The following TMEM132D variants were observed in gnomAD, a reference collection of about 807,000 sequenced individuals.
TMEM132D encodes transmembrane protein 132D, also known as mature OL transmembrane protein.
In TMEM132D, 21 loss-of-function variants were observed where a neutral mutation model predicts 62.3. The observed-to-expected ratio is 0.34, with a 90% confidence interval of 0.24 to 0.49. TMEM132D has a LOEUF of 0.49. Among genes scored for constraint, TMEM132D ranks in the 20% least tolerant of loss-of-function variants. TMEM132D has a pLI of 0.99. For synonymous variants in TMEM132D, 621 were observed against 575.6 expected (o/e 1.08, Z -1.13); for missense variants, 1,346 against 1,402.8 (o/e 0.96, Z 0.65).
intron 3 of TMEM132D, among the ~76,000 whole-genome samples, chr12:129,505,956 T>C (rs543954867): frequency 6.6e-6 from 1 of 152,340 alleles, no homozygotes; most frequent in Non-Finnish European, 1.5e-5. Flanking sequence ...AGATAGTTGG[T>C]TGGTGAATTC....
intron 2 of TMEM132D, among the ~76,000 whole-genome samples, chr12:129,551,694 C>G (rs1876903415): frequency 1.3e-5 from 2 of 152,154 alleles, no homozygotes; most frequent in African/African-American, 4.8e-5. Context: ...AAACACAAAC[C>G]TCTCTCTTCT....
At chr12:129,789,790 G>A (rs973888495) in intron 1 of TMEM132D, among the ~76,000 whole-genome samples, 4 of 152,168 alleles carry the variant, frequency 2.6e-5, no homozygotes, top group African/African-American at 9.7e-5. Context: ...TCACCCTTTA[G>A]CGACACCATA....
At chr12:129,527,962 A>C (rs1050122380) in intron 3 of TMEM132D, among the ~76,000 whole-genome samples, 6 of 152,210 alleles carry the variant, frequency 3.9e-5, no homozygotes, top group Non-Finnish European at 8.8e-5. Flanking sequence ...TCCTTAATAC[A>C]CAAAATTAAA....
intron 1 of TMEM132D, among the ~76,000 whole-genome samples, chr12:129,832,065 T>G: frequency 8.3e-6 from 1 of 120,414 alleles, no homozygotes; most frequent in Non-Finnish European, 1.8e-5. Context: ...TTTTTTTGTA[T>G]TTTAGTAGAG....
At chr12:129,518,256 A>C (rs766516897) in intron 3 of TMEM132D, among the ~76,000 whole-genome samples, 55 of 152,312 alleles carry the variant, frequency 3.6e-4, no homozygotes, top group Non-Finnish European at 6.8e-4. Flanking sequence ...TAATAAAACT[A>C]AGTCATGCTT....
chr12:129,560,145 G>A (rs1309967682), intron 2 of TMEM132D, among the ~76,000 whole-genome samples: 1 of 152,214 alleles, frequency 6.6e-6, no homozygotes, highest in Non-Finnish European at 1.5e-5. Context: ...CTCTTCATAG[G>A]TGGGCACCAA....
At chr12:129,317,328 G>A (rs1314436599) in intron 4 of TMEM132D, among the ~76,000 whole-genome samples, 1 of 152,152 alleles carries the variant, frequency 6.6e-6, no homozygotes, top group Admixed American at 6.5e-5. Flanking sequence ...TTCTTGTAGT[G>A]GTGGCTTGGT....
intron 5 of TMEM132D, among the ~76,000 whole-genome samples, chr12:129,127,714 T>C (rs899286330): frequency 8.6e-5 from 13 of 151,892 alleles, no homozygotes; most frequent in Non-Finnish European, 1.5e-5. Context: ...GACGAGTATT[T>C]GCCTAGATTG....
At chr12:129,142,492 T>C (rs1382579100) in intron 5 of TMEM132D, among the ~76,000 whole-genome samples, 1 of 152,236 alleles carries the variant, frequency 6.6e-6, no homozygotes, top group Non-Finnish European at 1.5e-5. Context: ...TTAAGCTGTT[T>C]CAAGCATTTA....
chr12:129,759,471 C>A (rs562453634), intron 1 of TMEM132D, among the ~76,000 whole-genome samples: 5 of 152,144 alleles, frequency 3.3e-5, no homozygotes, highest in African/African-American at 9.7e-5. Context: ...ACAATGCTAA[C>A]GCTAGATCAG....
chr12:129,192,730 T>G (rs1202651907), intron 5 of TMEM132D, among the ~76,000 whole-genome samples: 2 of 152,146 alleles, frequency 1.3e-5, no homozygotes, highest in East Asian at 3.9e-4. Context: ...AATGGGGGGT[T>G]TGAATTACAG....
intron 3 of TMEM132D, among the ~76,000 whole-genome samples, chr12:129,466,279 C>CTTT (rs551019541): frequency 2.0e-5 from 2 of 100,398 alleles, no homozygotes; most frequent in African/African-American, 7.6e-5. Context: ...TAGATTTTTC[C>CTTT]TTTTTTTTTT....
chr12:129,776,188 GC>G, intron 1 of TMEM132D, among the ~76,000 whole-genome samples: 1 of 152,118 alleles, frequency 6.6e-6, no homozygotes, highest in African/African-American at 2.4e-5. Flanking sequence ...GTAATCCTGG[GC>G]TGTAAATGCT....
chr12:129,799,334 G>GTA (rs747141459), intron 1 of TMEM132D, among the ~76,000 whole-genome samples: 7 of 146,508 alleles, frequency 4.8e-5, no homozygotes, highest in Non-Finnish European at 7.5e-5. Context: ...TATTATATAT[G>GTA]TATATATATG....
At chr12:129,340,099 C>T (rs147315772) in intron 3 of TMEM132D, among the ~76,000 whole-genome samples, 43 of 152,202 alleles carry the variant, frequency 2.8e-4, no homozygotes, top group African/African-American at 1.0e-3. Flanking sequence ...CCTATAATAC[C>T]CTTCAATTAA....
chr12:129,239,007 T>C (rs1210554775), intron 4 of TMEM132D, among the ~76,000 whole-genome samples: 1 of 151,616 alleles, frequency 6.6e-6, no homozygotes, highest in Non-Finnish European at 1.5e-5. Flanking sequence ...TTTTTTTTTT[T>C]TTTTTGGACA....
intron 1 of TMEM132D, among the ~76,000 whole-genome samples, chr12:129,772,154 A>G (rs1343882337): frequency 6.6e-6 from 1 of 152,206 alleles, no homozygotes; most frequent in Non-Finnish European, 1.5e-5. Flanking sequence ...TGTGTGATAA[A>G]CTATTGACCT....
At chr12:129,845,859 C>T (rs543523411) in intron 1 of TMEM132D, among the ~76,000 whole-genome samples, 1 of 152,296 alleles carries the variant, frequency 6.6e-6, no homozygotes, top group East Asian at 1.9e-4. Flanking sequence ...CTCCACAGGC[C>T]GTGCTCCCAG....
At chr12:129,275,587 T>C (rs921290581) in intron 4 of TMEM132D, among the ~76,000 whole-genome samples, 9 of 152,194 alleles carry the variant, frequency 5.9e-5, no homozygotes, top group Non-Finnish European at 1.0e-4. Flanking sequence ...TCTAGACAGA[T>C]ACCAGGTAGC....
Sources: gnomAD v4.1 joint callset for allele counts (sites outside exome capture counted in the v4.1 genomes callset) on GRCh38, gnomAD v4.1.1 for gene constraint, MANE v1.5 for transcripts, NCBI Gene and HGNC (gene_info 2026-07-23, HGNC 2026-07-21) for gene names.